The following MTMR8 variants were observed in gnomAD, a reference collection of about 807,000 sequenced individuals.
MTMR8 encodes the protein phosphatidylinositol-3,5-bisphosphate 3-phosphatase MTMR8.
In MTMR8, 65 loss-of-function variants were observed where a neutral mutation model predicts 39.3. That is an observed-to-expected ratio of 1.65 (90% CI 1.35 to 2.03). The LOEUF is 2.03. Among genes scored for constraint, MTMR8 ranks in the 30% most tolerant of loss-of-function variants. MTMR8 has a pLI of 0.00. For missense variants in MTMR8, 777 were observed against 538.9 expected, an observed-to-expected ratio of 1.44 and a Z score of -4.37; for synonymous variants, 245 against 185.2, an observed-to-expected ratio of 1.32 and a Z score of -2.62.
rs868495970 is a variant in MTMR8, at chrX:64,318,726, G to A, written c.1481+10046C>T. The stretch of plus-strand genomic sequence containing the variant: ...GTTTTTTGTTTTTTTTTTTTTTTTT[G>A]AGATGGAGTCTCCCTCTGTCGCCCA... On this transcript the variant is annotated intron_variant, in intron 12 of 13. Transcript: ENST00000374852. Among the ~76,000 whole-genome samples, 2 of 28,973 alleles carry A rather than the reference G, an allele frequency of 6.9e-5. 1 individual carries two copies. Among genetic ancestry groups the A allele is most frequent in the African/African-American group, 3.8e-4 (2 of 5,206 alleles). The allele number at this position is 28,973 out of a possible 115,157, so 25.2% of individuals were successfully genotyped here.
intron 12 of MTMR8, among the ~76,000 whole-genome samples, chrX:64,276,227 G>A (rs1396453643): frequency 9.0e-6 from 1 of 110,607 alleles, no homozygotes; most frequent in African/African-American, 3.3e-5. Flanking sequence ...TCTTCTGCTA[G>A]AATTTGTTTG....
chrX:64,370,435 C>G (rs959089680), intron 1 of MTMR8, among the ~76,000 whole-genome samples: 5 of 110,446 alleles, frequency 4.5e-5, no homozygotes, highest in African/African-American at 1.6e-4. Flanking sequence ...GCCCAATGAT[C>G]TTTTCATTCA....
At chrX:64,270,917 A>G (rs753017625) in intron 13 of MTMR8, 30 bp downstream of exon 13, 6 of 1,199,047 alleles carry the variant, frequency 5.0e-6, no homozygotes, top group Admixed American at 2.2e-5. Flanking sequence ...AAGGGGCAAG[A>G]AGATCTCTCT....
At chrX:64,355,782 G>T (rs1336354000) in intron 3 of MTMR8, among the ~76,000 whole-genome samples, 1 of 110,880 alleles carries the variant, frequency 9.0e-6, no homozygotes, top group Non-Finnish European at 1.9e-5. Context: ...AGTAGGGGTG[G>T]AAATCGTGGG....
At chrX:64,291,963 C>T (rs1921412030) in intron 12 of MTMR8, among the ~76,000 whole-genome samples, 1 of 111,400 alleles carries the variant, frequency 9.0e-6, no homozygotes, top group East Asian at 2.8e-4. Flanking sequence ...AGGTAGGCAC[C>T]TGTGGGCCTG....
chrX:64,285,461 C>A (rs1489853633), intron 12 of MTMR8, among the ~76,000 whole-genome samples: 1 of 111,376 alleles, frequency 9.0e-6, no homozygotes, highest in African/African-American at 3.3e-5. Flanking sequence ...TTCAGCTCTG[C>A]ACCAAGCAGA....
At chrX:64,298,566 T>G (rs1404390381) in intron 12 of MTMR8, among the ~76,000 whole-genome samples, 9 of 87,131 alleles carry the variant, frequency 1.0e-4, no homozygotes, top group African/African-American at 7.5e-4. Context: ...TGAATACCCT[T>G]TATTTCCTTC....
intron 1 of MTMR8, among the ~76,000 whole-genome samples, chrX:64,390,943 C>T: frequency 8.9e-6 from 1 of 112,160 alleles, no homozygotes; most frequent in South Asian, 3.7e-4. Flanking sequence ...CAGGCTTGAG[C>T]CAACCAGGCC....
intron 3 of MTMR8, among the ~76,000 whole-genome samples, chrX:64,355,613 G>A (rs1393165382): frequency 9.0e-6 from 1 of 110,892 alleles, no homozygotes; most frequent in Non-Finnish European, 1.9e-5. Flanking sequence ...GAGAGAAAAT[G>A]TAAGAGCATG....
chrX:64,280,383 G>C (rs1931977861), intron 12 of MTMR8, among the ~76,000 whole-genome samples: 1 of 111,969 alleles, frequency 8.9e-6, no homozygotes. Flanking sequence ...GGGAGGCAAG[G>C]CTGGTTCAAC....
In MTMR8 at chrX:64,271,041, T is replaced by C. The variant is rs1264376906; in HGVS notation, c.1514A>G (p.Lys505Arg). Residue 505 changes from lysine to arginine, a missense_variant, in exon 13 of 14, where the codon AAA becomes AGA. Transcript: ENST00000374852. ...FWCGMYNRFD[K>R]GLQPKQSMLE... ...CATACTCTGCTTGGGCTGCAGCCCT[T>C]TGTCAAAGCGGTTATACATCCCACA... 2 of 1,207,674 alleles carry C rather than the reference T, an allele frequency of 1.7e-6. No individual in the cohort carries two copies. Among genetic ancestry groups the C allele is most frequent in the Non-Finnish European group, 2.2e-6 (2 of 893,863 alleles).
chrX:64,363,838 G>A (rs183602410), intron 1 of MTMR8, among the ~76,000 whole-genome samples: 70 of 111,719 alleles, frequency 6.3e-4, no homozygotes, highest in African/African-American at 2.1e-3. Flanking sequence ...TCCTAGCCAA[G>A]GGAAGACGTG....
At chrX:64,376,983 G>T (rs1047906594) in intron 1 of MTMR8, among the ~76,000 whole-genome samples, 4 of 111,721 alleles carry the variant, frequency 3.6e-5, no homozygotes, top group African/African-American at 1.3e-4. Flanking sequence ...CCCCAGATAC[G>T]TCTCAGGATG....
At chrX:64,337,543 G>A (rs1055508851) in intron 8 of MTMR8, 150 bp from the exon 9 acceptor site, 8 of 549,590 alleles carry the variant, frequency 1.5e-5, no homozygotes, top group African/African-American at 2.4e-5. Flanking sequence ...TCCTCTATGG[G>A]GAATGAAAAG....
chrX:64,302,756 A>G (rs1417285749), intron 12 of MTMR8, among the ~76,000 whole-genome samples: 2 of 112,235 alleles, frequency 1.8e-5, no homozygotes, highest in African/African-American at 6.5e-5. Flanking sequence ...ACACTGCAAA[A>G]CTTCACAAAA....
Position 64,359,463 on chromosome X carries a change from A to C in MTMR8, c.89T>G (p.Leu30Arg), listed in dbSNP as rs781306210. 1 of 1,209,225 alleles carries C rather than the reference A, an allele frequency of 8.3e-7. No individual in the cohort carries two copies. Among genetic ancestry groups the C allele is most frequent in the East Asian group, 3.0e-5 (1 of 33,797 alleles). ...SKKPANGILY[L>R]TATHLIYVEA... is the part of the protein sequence containing the mutation. ...CACATAGATCAGGTGGGTTGCAGTA[A>C]GATAAAGAATCCCATTAGCTGGTTT... The change falls in exon 2 of 14, where the codon CTT (leucine) becomes CGT (arginine). Residue 30 changes from leucine (L) to arginine (R), a missense_variant. By Grantham distance (102) the Leu-to-Arg change is moderately radical (BLOSUM62 -2). Transcript: ENST00000374852.
chrX:64,360,389 C>CAA, intron 1 of MTMR8: 3 of 218,561 alleles, frequency 1.4e-5, no homozygotes, highest in Admixed American at 5.7e-5. Flanking sequence ...GTCAAGCAGA[C>CAA]CAAAAAAAAA....
rs1479369556 is a variant in MTMR8, at chrX:64,359,447, C to G, written c.105G>C (p.Leu35=). The change falls in exon 2 of 14, where the codon CTG becomes CTC. Residue 35 remains leucine (L), a synonymous_variant. Coordinates refer to ENST00000374852, the MANE Select transcript of MTMR8 (RefSeq NM_017677.4). Reference sequence around the variant, plus strand: ...CTGCACCTGAAGCCTCCACATAGATCAGGTGGGTTGCAGTAAGATAAAGAA... The same window carrying G: ...CTGCACCTGAAGCCTCCACATAGATGAGGTGGGTTGCAGTAAGATAAAGAA... ...NGILYLTATH[L]IYVEASGAAR... 2.0e-5 allele frequency: 24 copies of G among 1,206,393 alleles called. No individual in the cohort carries two copies. The highest frequency in any genetic ancestry group is 2.7e-5 in the Non-Finnish European group (24 of 892,950).
chrX:64,278,372 T>A (rs1931925516), intron 12 of MTMR8, among the ~76,000 whole-genome samples: 1 of 109,332 alleles, frequency 9.1e-6, no homozygotes, highest in African/African-American at 3.3e-5. Context: ...TGGATTTATC[T>A]ACCTTTGGTC....
Sources: allele counts gnomAD v4.1 joint callset (sites outside exome capture counted in the v4.1 genomes callset), GRCh38; gene constraint gnomAD v4.1.1; transcripts MANE v1.5; gene names NCBI Gene and HGNC (gene_info 2026-07-23, HGNC 2026-07-21).